The following XKR4 variants were observed in gnomAD, a reference collection of about 807,000 sequenced individuals.
XKR4 encodes the protein XK related 4.
A neutral mutation model predicts 53.9 loss-of-function variants in XKR4; 12 were observed. The observed-to-expected ratio is 0.22, with a 90% CI of 0.14 to 0.36. The LOEUF is 0.36. XKR4 is among the 10% of genes least tolerant of loss of function. The pLI is 1.00. For synonymous variants in XKR4, 354 were observed against 362.4 expected, an observed-to-expected ratio of 0.98 and a Z score of 0.26; for missense variants, 799 against 859.5, an observed-to-expected ratio of 0.93 and a Z score of 0.88.
intron 2 of XKR4, among the ~76,000 whole-genome samples, chr8:55,522,592 C>A (rs1806812720): frequency 6.6e-6 from 1 of 152,122 alleles, no homozygotes; most frequent in South Asian, 2.1e-4. Context: ...GATCACATAT[C>A]CCCTTCAATC....
chr8:55,109,588 TTATG>T (rs10601387), intron 1 of XKR4, among the ~76,000 whole-genome samples: 6,053 of 152,182 alleles, frequency 0.04, 220 homozygotes, highest in African/African-American at 0.094. Flanking sequence ...TTGGAATAAT[TTATG>T]TATAAATCTC....
chr8:55,105,356 G>A (rs916156640), intron 1 of XKR4, among the ~76,000 whole-genome samples: 8 of 151,868 alleles, frequency 5.3e-5, no homozygotes, highest in African/African-American at 1.7e-4. Context: ...GAGGTAGGGA[G>A]TGGGGGCGGG....
chr8:55,143,652 T>G (rs1175203090), intron 1 of XKR4, among the ~76,000 whole-genome samples: 1 of 152,208 alleles, frequency 6.6e-6, no homozygotes, highest in Non-Finnish European at 1.5e-5. Context: ...TATAGGACAC[T>G]GAGATATGAA....
At chr8:55,284,345 G>A (rs752292101) in intron 1 of XKR4, among the ~76,000 whole-genome samples, 22 of 152,194 alleles carry the variant, frequency 1.4e-4, no homozygotes, top group Middle Eastern at 3.4e-3. Flanking sequence ...CCATGGGCCC[G>A]AAATTCAGGA....
intron 1 of XKR4, among the ~76,000 whole-genome samples, chr8:55,261,876 G>A (rs192911981): frequency 6.6e-6 from 1 of 151,090 alleles, no homozygotes; most frequent in Non-Finnish European, 1.5e-5. Context: ...GGAAGATTTG[G>A]CTTTTTTTTT....
chr8:55,450,899 C>A, intron 2 of XKR4: 3 of 478,298 alleles, frequency 6.3e-6, no homozygotes, highest in South Asian at 5.9e-5. Context: ...ACACCTGCAG[C>A]AGCTTGTGGA....
At chr8:55,171,019 A>G (rs1167042588) in intron 1 of XKR4, among the ~76,000 whole-genome samples, 1 of 152,136 alleles carries the variant, frequency 6.6e-6, no homozygotes, top group Admixed American at 6.5e-5. Flanking sequence ...ATTATTACAT[A>G]CCTTCTGGAA....
At chr8:55,483,097 C>A (rs1806136485) in intron 2 of XKR4, among the ~76,000 whole-genome samples, 1 of 152,136 alleles carries the variant, frequency 6.6e-6, no homozygotes, top group South Asian at 2.1e-4. Context: ...CATCCTACAT[C>A]CTCAGGGCTT....
chr8:55,290,086 C>A (rs1818997058), intron 1 of XKR4, among the ~76,000 whole-genome samples: 1 of 150,608 alleles, frequency 6.6e-6, no homozygotes, highest in Non-Finnish European at 1.5e-5. Context: ...TCCTAGTGAC[C>A]AATAATATTG....
At chr8:55,500,181 C>CAAAAAAAAAAAAAAAAAAAAAAAA (rs36233927) in intron 2 of XKR4, among the ~76,000 whole-genome samples, 1 of 115,610 alleles carries the variant, frequency 8.6e-6, no homozygotes, top group African/African-American at 4.0e-5. Context: ...CAAATTGGGC[C>CAAAAAAAAAAAAAAAAAAAAAAAA]AAAAAAAAAA....
intron 2 of XKR4, among the ~76,000 whole-genome samples, chr8:55,365,712 A>C (rs1269433793): frequency 6.6e-6 from 1 of 151,690 alleles, no homozygotes; most frequent in Non-Finnish European, 1.5e-5. Context: ...CGTCTCAAAA[A>C]AAAAAAAAAA....
chr8:55,418,698 C>T (rs1442235531), intron 2 of XKR4, among the ~76,000 whole-genome samples: 1 of 152,188 alleles, frequency 6.6e-6, no homozygotes, highest in Non-Finnish European at 1.5e-5. Flanking sequence ...CAGATCTTCT[C>T]GGACCCTCCA....
chr8:55,292,152 G>A (rs1211816628), intron 1 of XKR4, among the ~76,000 whole-genome samples: 2 of 152,002 alleles, frequency 1.3e-5, no homozygotes, highest in Non-Finnish European at 2.9e-5. Context: ...TTTGTGCTGT[G>A]TCTGTCTAGT....
At chr8:55,403,823 T>C (rs947427688) in intron 2 of XKR4, among the ~76,000 whole-genome samples, 2 of 152,220 alleles carry the variant, frequency 1.3e-5, no homozygotes, top group African/African-American at 2.4e-5. Context: ...TAAGTAACTT[T>C]AGTAGTTAGC....
chr8:55,470,443 C>T (rs556472694), intron 2 of XKR4, among the ~76,000 whole-genome samples: 2 of 152,128 alleles, frequency 1.3e-5, no homozygotes, highest in South Asian at 2.1e-4. Flanking sequence ...AAGTGGAAAC[C>T]CCTTTCACTT....
chr8:55,455,342 A>T (rs994085196), intron 2 of XKR4, among the ~76,000 whole-genome samples: 1 of 152,082 alleles, frequency 6.6e-6, no homozygotes, highest in East Asian at 1.9e-4. Flanking sequence ...TGAAAATGTT[A>T]TAGAGCTTCA....
At chr8:55,291,220 T>A (rs1168770773) in intron 1 of XKR4, among the ~76,000 whole-genome samples, 4 of 152,234 alleles carry the variant, frequency 2.6e-5, no homozygotes, top group African/African-American at 4.8e-5. Context: ...TTTTCCATTA[T>A]CTCTGTGTCT....
chr8:55,404,079 G>C (rs1330449316), intron 2 of XKR4, among the ~76,000 whole-genome samples: 1 of 152,200 alleles, frequency 6.6e-6, no homozygotes, highest in Non-Finnish European at 1.5e-5. Context: ...TCTACATGTA[G>C]ATGTGTATGT....
At chr8:55,115,404 A>AC (rs3083164) in intron 1 of XKR4, among the ~76,000 whole-genome samples, 1 of 151,704 alleles carries the variant, frequency 6.6e-6, no homozygotes, top group East Asian at 1.9e-4. Flanking sequence ...ACACACACAC[A>AC]AATGAATCTC....
Sources: allele counts gnomAD v4.1 joint callset (sites outside exome capture counted in the v4.1 genomes callset), GRCh38; gene constraint gnomAD v4.1.1; transcripts MANE v1.5; gene names NCBI Gene and HGNC (gene_info 2026-07-23, HGNC 2026-07-21).